The following CCNY variants were observed in gnomAD, a reference collection of about 807,000 sequenced individuals.
CCNY encodes cyclin-Y.
In CCNY, 19 loss-of-function variants were observed where a neutral mutation model predicts 42.8. The observed-to-expected ratio is 0.44, with a 90% CI of 0.31 to 0.65. The LOEUF is 0.65. CCNY is among the 30% of genes least tolerant of loss of function. CCNY has a pLI of 0.07. For missense variants in CCNY, 370 were observed against 437.3 expected (o/e 0.85, Z 1.37); for synonymous variants, 165 against 162.7 (o/e 1.01, Z -0.11).
intron 1 of CCNY, among the ~76,000 whole-genome samples, chr10:35,479,263 C>T (rs1311831279): frequency 1.3e-5 from 2 of 151,814 alleles, no homozygotes; most frequent in African/African-American, 4.8e-5. Context: ...TGGGTATATA[C>T]CCAAAGGATT....
At chr10:35,396,863 G>T (rs1837537954) in intron 1 of CCNY, among the ~76,000 whole-genome samples, 1 of 152,180 alleles carries the variant, frequency 6.6e-6, no homozygotes, top group Admixed American at 6.5e-5. Context: ...GCCTTGTCTG[G>T]CTTGCAGGAT....
At chr10:35,280,012 A>G (rs185325366) in intron 3 of CCNY, among the ~76,000 whole-genome samples, 78 of 152,298 alleles carry the variant, frequency 5.1e-4, no homozygotes, top group Non-Finnish European at 9.0e-4. Context: ...TTTTGTCTCC[A>G]TCATTTCATA....
chr10:35,412,906 A>G (rs1837944339), intron 1 of CCNY, among the ~76,000 whole-genome samples: 1 of 146,118 alleles, frequency 6.8e-6, no homozygotes, highest in Non-Finnish European at 1.5e-5. Flanking sequence ...CGCGGCGGGC[A>G]AGAGGATGTG....
At chr10:35,380,351 C>T (rs1338749204) in intron 1 of CCNY, among the ~76,000 whole-genome samples, 1 of 152,222 alleles carries the variant, frequency 6.6e-6, no homozygotes, top group Non-Finnish European at 1.5e-5. Context: ...TTCCCTTTCT[C>T]TCCCACTCCT....
At chr10:35,262,614 G>A (rs2095720890) in intron 3 of CCNY, among the ~76,000 whole-genome samples, 1 of 151,948 alleles carries the variant, frequency 6.6e-6, no homozygotes, top group Admixed American at 6.6e-5. Context: ...CATCCACTTC[G>A]GCCTCCCAAA....
At position 35,572,446 on chromosome 10, in the gene CCNY, A is replaced by G. The variant is rs1589218027; in HGVS notation, c.*3276A>G. ...AGGCACCCACCACCATGCCCAGCTGATTTTTGTAGTTTTAGTAGAGACAGA... is the reference window on the plus strand; with the variant it reads ...AGGCACCCACCACCATGCCCAGCTGGTTTTTGTAGTTTTAGTAGAGACAGA... On this transcript the variant is annotated 3_prime_UTR_variant, in exon 10 of 10. Transcript: ENST00000374704. The G allele has an allele frequency of 6.6e-6, 1 of 151,724 alleles. No individual in the cohort carries two copies. The highest frequency in any genetic ancestry group is 6.6e-5 in the Admixed American group (1 of 15,222). The allele number at this position is 151,724 out of a possible 1,614,324, so 9.4% of individuals were successfully genotyped here. A position where few individuals can be genotyped will look rare whatever the true frequency, so the allele number is the denominator to read the frequency against.
At chr10:35,342,132 G>A (rs1337513947) in intron 1 of CCNY, among the ~76,000 whole-genome samples, 9 of 152,128 alleles carry the variant, frequency 5.9e-5, no homozygotes, top group African/African-American at 1.7e-4. Flanking sequence ...AGCAGCGGAG[G>A]GATAACTGGC....
rs1840109439 is a variant in CCNY, at chr10:35,501,508, A to G, written c.237A>G (p.Glu79=). The G allele has an allele frequency of 6.2e-7, 1 of 1,613,876 alleles. No homozygotes were observed. The change falls in exon 3 of 10, where the codon GAA becomes GAG. Residue 79 remains glutamate, a synonymous_variant. Coordinates refer to ENST00000374704, the MANE Select transcript of CCNY (RefSeq NM_145012.6). ...CATCTTTTGTTTTCACAGTGAGAGA[A>G]AAACGCAAGAGTCTCTTCATTAACC... ...FLSKSQTDVR[E]KRKSLFINHH...
intron 7 of CCNY, among the ~76,000 whole-genome samples, chr10:35,537,390 G>A (rs1167192296): frequency 3.3e-5 from 5 of 152,206 alleles, no homozygotes; most frequent in Non-Finnish European, 7.3e-5. Flanking sequence ...GCCTAGTGGA[G>A]CTGTGAGAAG....
At chr10:35,486,189 C>G (rs981400074) in intron 2 of CCNY, among the ~76,000 whole-genome samples, 1 of 152,198 alleles carries the variant, frequency 6.6e-6, no homozygotes, top group Non-Finnish European at 1.5e-5. Context: ...CGTAGACTCT[C>G]CTCTTCTCAC....
At chr10:35,285,536 C>T (rs1378258230) in intron 3 of CCNY, among the ~76,000 whole-genome samples, 1 of 152,144 alleles carries the variant, frequency 6.6e-6, no homozygotes, top group Non-Finnish European at 1.5e-5. Flanking sequence ...GTGATCTTCC[C>T]ACCTCAGACT....
At chr10:35,514,086 A>AAC (rs1840377628) in intron 3 of CCNY, among the ~76,000 whole-genome samples, 1 of 151,004 alleles carries the variant, frequency 6.6e-6, no homozygotes, top group African/African-American at 2.4e-5. Context: ...AAAAAAAAAA[A>AAC]AAAAAAAAAA....
intron 1 of CCNY, among the ~76,000 whole-genome samples, chr10:35,351,707 A>G (rs1000599065): frequency 1.3e-5 from 2 of 152,244 alleles, no homozygotes; most frequent in African/African-American, 2.4e-5. Flanking sequence ...ATATAATACC[A>G]TTGGAACAAG....
intron 8 of CCNY, among the ~76,000 whole-genome samples, chr10:35,561,355 A>G (rs1841463094): frequency 6.6e-6 from 1 of 152,074 alleles, no homozygotes; most frequent in East Asian, 1.9e-4. Flanking sequence ...TAATCCCATC[A>G]CTCAGAAAGA....
chr10:35,283,683 G>C (rs1448583027), intron 3 of CCNY, among the ~76,000 whole-genome samples: 1 of 152,166 alleles, frequency 6.6e-6, no homozygotes, highest in Non-Finnish European at 1.5e-5. Flanking sequence ...GATTACAGGC[G>C]TGAGCCACTG....
At chr10:35,305,523 G>C (rs566631619) in intron 3 of CCNY, among the ~76,000 whole-genome samples, 1 of 152,326 alleles carries the variant, frequency 6.6e-6, no homozygotes, top group East Asian at 1.9e-4. Context: ...TGTCACAGCA[G>C]CATCTGGGGG....
chr10:35,491,512 A>G (rs867611655), intron 2 of CCNY, among the ~76,000 whole-genome samples: 1 of 152,196 alleles, frequency 6.6e-6, no homozygotes, highest in African/African-American at 2.4e-5. Context: ...CGCCTGGTAG[A>G]CAGCCAGTCT....
chr10:35,299,845 C>A (rs1277324003), intron 3 of CCNY, among the ~76,000 whole-genome samples: 1 of 151,984 alleles, frequency 6.6e-6, no homozygotes, highest in Non-Finnish European at 1.5e-5. Flanking sequence ...TCTTTTCCTG[C>A]CTTTTTGGAT....
intron 2 of CCNY, among the ~76,000 whole-genome samples, chr10:35,497,510 G>C (rs1337508017): frequency 6.6e-6 from 1 of 152,160 alleles, no homozygotes; most frequent in Admixed American, 6.5e-5. Flanking sequence ...GGCCGAGGCA[G>C]GTGGATCACT....
Sources: gnomAD v4.1 joint callset for allele counts (sites outside exome capture counted in the v4.1 genomes callset) on GRCh38, gnomAD v4.1.1 for gene constraint, MANE v1.5 for transcripts, NCBI Gene and HGNC (gene_info 2026-07-23, HGNC 2026-07-21) for gene names.